The following SIDT2 variants were observed in gnomAD, a reference collection of about 807,000 sequenced individuals.
SIDT2 encodes the protein SID1 transmembrane family, member 2.
Under a neutral mutation model 114.4 loss-of-function variants are expected in SIDT2, and 68 were observed. That is an observed-to-expected ratio of 0.59 (90% CI 0.49 to 0.73). The LOEUF is 0.73. SIDT2 is among the 30% of genes least tolerant of loss of function. SIDT2 has a pLI of 0.00. For synonymous variants in SIDT2, 470 were observed against 438.4 expected, an observed-to-expected ratio of 1.07 and a Z score of -0.90; for missense variants, 918 against 1,097.1, an observed-to-expected ratio of 0.84 and a Z score of 2.31.
chr11:117,181,749 G>A, intron 2 of SIDT2, 58 bp from the exon 3 acceptor site: 1 of 1,610,870 alleles, frequency 6.2e-7, no homozygotes, highest in Non-Finnish European at 8.5e-7. Context: ...TCGCTCCTCT[G>A]GAGGGGCAGG....
chr11:117,184,080 C>T lies in SIDT2; in HGVS notation c.809C>T (p.Pro270Leu), dbSNP rs1390326776. ...LPFYPFAEDE[P>L]VDQGHRQKTL... ...TTTGACATTTTACTTCCAGATGAAC[C>T]GGTCGATCAAGGGCACCGCCAGAAA... Residue 270 changes from proline to leucine, a missense_variant, in exon 8 of 26, where the codon CCG (proline) becomes CTG (leucine). Pro to Leu is a moderately conservative substitution (Grantham distance 98). Coordinates refer to ENST00000324225, the MANE Select transcript of SIDT2 (RefSeq NM_001040455.2). 4.3e-6 allele frequency: 7 copies of T among 1,614,106 alleles called. No homozygotes were observed. Among genetic ancestry groups the T allele is most frequent in the East Asian group, 2.2e-5 (1 of 44,884 alleles).
Position 117,192,523 on chromosome 11 carries a change from A to G in SIDT2, c.1982-51A>G. Reference sequence around the variant, plus strand: ...CTCAGCTGGCACATCCCAGGGGTCCAGCAAAGGAGGGTGCCCCGTGCCTGT... The same window carrying G: ...CTCAGCTGGCACATCCCAGGGGTCCGGCAAAGGAGGGTGCCCCGTGCCTGT... On this transcript the variant is annotated intron_variant, in intron 20 of 25. Transcript: ENST00000324225. This position sits in a 1 kb window ranked among gnomAD's most constrained non-coding sequence, Gnocchi z 5.9. The G allele has an allele frequency of 6.3e-7, 1 of 1,598,208 alleles. No individual in the cohort carries two copies.
At position 117,179,243 on chromosome 11, in the gene SIDT2, C is replaced by T. The variant is rs1355451456; in HGVS notation, c.-21C>T. Reference sequence around the variant, plus strand: ...CCGCCGCCGCCGCCACCACCGCTGCCACTGCCGCCCTGCCGGGGCCATGTT... The same window carrying T: ...CCGCCGCCGCCGCCACCACCGCTGCTACTGCCGCCCTGCCGGGGCCATGTT... On this transcript the variant is annotated 5_prime_UTR_variant, in exon 1 of 26. Transcript: ENST00000324225. The T allele has an allele frequency of 6.2e-7, 1 of 1,601,486 alleles. No individual in the cohort carries two copies. Among genetic ancestry groups the T allele is most frequent in the South Asian group, 1.1e-5 (1 of 90,518 alleles).
chr11:117,185,965 T>G (rs1565285951), intron 8 of SIDT2, 165 bp from the exon 9 acceptor site: 1 of 589,408 alleles, frequency 1.7e-6, no homozygotes, highest in East Asian at 2.9e-5. Context: ...TTTGGTGTAT[T>G]AGAGGAACTG....
intron 23 of SIDT2, 103 bp from the exon 24 acceptor site, chr11:117,193,750 C>G (rs1430078376): frequency 1.2e-6 from 1 of 800,280 alleles, no homozygotes; most frequent in South Asian, 1.5e-5. Context: ...TCCTGAAGGC[C>G]TGGGAGGCCA....
At position 117,190,200 on chromosome 11, in the gene SIDT2, A is replaced by C; in HGVS notation, c.1528A>C (p.Ile510Leu). 1.3e-6 allele frequency: 2 copies of C among 1,582,248 alleles called. No individual in the cohort carries two copies. The highest frequency in any genetic ancestry group is 1.7e-6 in the Non-Finnish European group (2 of 1,164,516). The stretch of plus-strand genomic sequence containing the variant: ...CAACATCCTCAGCAACCTGGGGTAC[A>C]TCCTGCTGGGGCTGCTTTTCCTGCT... The part of the protein sequence containing the change: ...FNNILSNLGY[I>L]LLGLLFLLII... Residue 510 changes from isoleucine (I) to leucine (L), a missense_variant, in exon 17 of 26, where the codon ATC (isoleucine) becomes CTC (leucine). This residue lies in a region of SIDT2 where 72 missense variants were observed against 59.9 expected (regional missense o/e 1.20). Transcript: ENST00000324225. The surrounding 1 kb of genome is among the most constrained non-coding windows in gnomAD (Gnocchi z 4.1).
intron 8 of SIDT2, 125 bp from the exon 9 acceptor site, chr11:117,186,004 CT>C: frequency 1.4e-6 from 1 of 734,988 alleles, no homozygotes; most frequent in Non-Finnish European, 2.3e-6. Flanking sequence ...TAGGCAGGGC[CT>C]TACATTTGAG....
chr11:117,193,003 C>T (rs2030759771), intron 22 of SIDT2, 137 bp downstream of exon 22: 2 of 1,346,050 alleles, frequency 1.5e-6, no homozygotes, highest in Admixed American at 1.7e-5. Context: ...CTTGGCCTCT[C>T]TTCTCTCTCT....
intron 24 of SIDT2, among the ~76,000 whole-genome samples, chr11:117,195,447 C>T (rs1030829478): frequency 1.3e-5 from 2 of 152,138 alleles, no homozygotes; most frequent in Non-Finnish European, 2.9e-5. Context: ...AGAGCAAGGG[C>T]GGAGTCCAAG....
chr11:117,182,157 T>C lies in SIDT2; in HGVS notation c.516+52T>C, dbSNP rs745320134. On this transcript the variant is annotated intron_variant, in intron 4 of 25. Transcript: ENST00000324225. Reference sequence around the variant, plus strand: ...GAGGAGAAATGGGGGAGCTTGAATATGAGAATGGGAGTGGCCAGCGGTCTT... The same window carrying C: ...GAGGAGAAATGGGGGAGCTTGAATACGAGAATGGGAGTGGCCAGCGGTCTT... 29 of 1,603,496 alleles carry C rather than the reference T, an allele frequency of 1.8e-5. No homozygotes were observed. The South Asian group carries it at 3.1e-4, about 17-fold the overall frequency.
chr11:117,188,706 A>G lies in SIDT2; in HGVS notation c.1160-2A>G, dbSNP rs764230538. ...CAACCCCTCCCTCCCTGCCCTTTCCAGGCCGCTCCTTTGAACCTGTAGGTA... is the reference window on the plus strand; with the variant it reads ...CAACCCCTCCCTCCCTGCCCTTTCCGGGCCGCTCCTTTGAACCTGTAGGTA... On this transcript the variant is annotated splice_acceptor_variant, in intron 12 of 25. Transcript: ENST00000324225. LOFTEE classifies it high-confidence loss of function. The surrounding 1 kb of genome is among the most constrained non-coding windows in gnomAD (Gnocchi z 4.0). 2 of 1,612,898 alleles carry G rather than the reference A, an allele frequency of 1.2e-6. No individual in the cohort carries two copies. The highest frequency in any genetic ancestry group is 1.7e-6 in the Non-Finnish European group (2 of 1,179,108).
At chr11:117,181,992 G>A in intron 3 of SIDT2, 21 bp downstream of exon 3, 2 of 1,614,090 alleles carry the variant, frequency 1.2e-6, no homozygotes, top group Non-Finnish European at 1.7e-6. Context: ...TAGAGTGAGG[G>A]GACCACGGGG....
chr11:117,195,437 A>G (rs1362258426), intron 24 of SIDT2, among the ~76,000 whole-genome samples: 2 of 152,186 alleles, frequency 1.3e-5, no homozygotes, highest in Non-Finnish European at 2.9e-5. Flanking sequence ...CAGAAAGATT[A>G]GAGCAAGGGC....
chr11:117,193,733 G>T, intron 23 of SIDT2, 120 bp from the exon 24 acceptor site: 1 of 678,172 alleles, frequency 1.5e-6, no homozygotes, highest in East Asian at 2.7e-5. Context: ...ATGAATCCAA[G>T]GAGCAGTCCT....
rs2030755205 is a variant in SIDT2, at chr11:117,192,877, T to A, written c.2105+11T>A. On this transcript the variant is annotated intron_variant, in intron 22 of 25. Transcript: ENST00000324225. This position sits in a 1 kb window ranked among gnomAD's most constrained non-coding sequence, Gnocchi z 5.9. ...CATCAACTGGTCGCTGTGAGTATGGTCAGCAGTAGTGGCCTGGTTGGGTGG... is the reference window on the plus strand; with the variant it reads ...CATCAACTGGTCGCTGTGAGTATGGACAGCAGTAGTGGCCTGGTTGGGTGG... The A allele has an allele frequency of 1.9e-6, 3 of 1,613,970 alleles. No homozygotes were observed. Among genetic ancestry groups the A allele is most frequent in the Non-Finnish European group, 2.5e-6 (3 of 1,180,030 alleles).
Position 117,188,431 on chromosome 11 carries a change from G to A in SIDT2, c.1160-277G>A. The A allele has an allele frequency of 4.0e-6, 2 of 501,048 alleles. No individual in the cohort carries two copies. The highest frequency in any genetic ancestry group is 5.1e-5 in the South Asian group (2 of 39,488). 31.0% of individuals were successfully genotyped at this position (501,048 alleles called of 1,614,324 possible). ...GGGGTCTGCCTTGTGTCCTGGCCTG[G>A]GAAGCCCTAGCCCATGAGGGGTGCC... On this transcript the variant is annotated intron_variant, in intron 12 of 25. Transcript: ENST00000324225. The surrounding 1 kb of genome is among the most constrained non-coding windows in gnomAD (Gnocchi z 4.0).
At chr11:117,180,408 T>G (rs1366004234) in intron 1 of SIDT2, among the ~76,000 whole-genome samples, 1 of 151,538 alleles carries the variant, frequency 6.6e-6, no homozygotes, top group African/African-American at 2.4e-5. Flanking sequence ...AATGCTGCCC[T>G]AGGGCTTGGG....
In SIDT2 at chr11:117,192,174, C is replaced by T. The variant is rs1164149176; in HGVS notation, c.1873-80C>T. The T allele has an allele frequency of 3.4e-6, 5 of 1,485,640 alleles. No individual in the cohort carries two copies. The East Asian group carries it at 1.1e-4, about 34-fold the overall frequency. 92.0% of individuals were successfully genotyped at this position (1,485,640 alleles called of 1,614,324 possible). A position where few individuals can be genotyped will look rare whatever the true frequency, so the allele number is the denominator to read the frequency against. The stretch of plus-strand genomic sequence containing the variant: ...CTCTCAGAGTCCCAGCCTGGCTGAG[C>T]AGCCAGCCCCAGGAAGGGTGGGCCA... On this transcript the variant is annotated intron_variant, in intron 19 of 25. Transcript: ENST00000324225. This position sits in a 1 kb window ranked among gnomAD's most constrained non-coding sequence, Gnocchi z 5.9.
chr11:117,187,617 G>A lies in SIDT2; in HGVS notation c.1088-11G>A, dbSNP rs751703194. 28 of 1,614,024 alleles carry A rather than the reference G, an allele frequency of 1.7e-5. No individual in the cohort carries two copies. The highest frequency in any genetic ancestry group is 1.6e-4 in the Middle Eastern group (1 of 6,062). On this transcript the variant is annotated splice_polypyrimidine_tract_variant and intron_variant, in intron 11 of 25. Transcript: ENST00000324225. ...TCTCCTTCCTGCCTCACCACTGATCGTTCCCCACAGAGAATGTTTCTGGAT... is the reference window on the plus strand; with the variant it reads ...TCTCCTTCCTGCCTCACCACTGATCATTCCCCACAGAGAATGTTTCTGGAT...
Sources: allele counts gnomAD v4.1 joint callset (sites outside exome capture counted in the v4.1 genomes callset), GRCh38; gene constraint gnomAD v4.1.1; regional missense constraint gnomAD v4.1.1; non-coding constraint Gnocchi (gnomAD v3.1); transcripts MANE v1.5; gene names NCBI Gene and HGNC (gene_info 2026-07-23, HGNC 2026-07-21).